ABCA5: variants seen among roughly 807,000 people sequenced by gnomAD.
The protein encoded by ABCA5 is cholesterol transporter ABCA5.
Under a neutral mutation model 206.0 loss-of-function variants are expected in ABCA5, and 163 were observed. That is an observed-to-expected ratio of 0.79 (90% CI 0.70 to 0.90). The LOEUF (loss-of-function observed/expected upper bound fraction) is 0.90. Ranked by LOEUF, ABCA5 falls within the 40% of genes least tolerant of loss-of-function variation. The pLI, the probability that ABCA5 is intolerant of heterozygous loss-of-function variation, is 0.00. For synonymous variants in ABCA5, 609 were observed against 613.8 expected (o/e 0.99, Z 0.11); for missense variants, 1,859 against 1,912.9 (o/e 0.97, Z 0.53).
Position 69,245,375 on chromosome 17 carries a change from A to G in ABCA5, c.*2162T>C, listed in dbSNP as rs2074938518. 1 of 151,902 alleles carries G rather than the reference A, an allele frequency of 6.6e-6. No homozygotes were observed. Among genetic ancestry groups the G allele is most frequent in the Non-Finnish European group, 1.5e-5 (1 of 67,838 alleles). The allele number at this position is 151,902 out of a possible 1,614,324, so 9.4% of individuals were successfully genotyped here. A position where few individuals can be genotyped will look rare whatever the true frequency, so the allele number is the denominator to read the frequency against. ...TATGTATATTTATTTATTTATCTGTACTGACATAGAAAAAAGTTTTGAGAT... is the reference window on the plus strand; with the variant it reads ...TATGTATATTTATTTATTTATCTGTGCTGACATAGAAAAAAGTTTTGAGAT... On this transcript the variant is annotated 3_prime_UTR_variant, in exon 39 of 39. Transcript: ENST00000392676.
Position 69,251,881 on chromosome 17 carries a change from T to C in ABCA5, c.4416-15A>G, listed in dbSNP as rs778216537. 3.1e-6 allele frequency: 5 copies of C among 1,604,614 alleles called. No individual in the cohort carries two copies. In the African/African-American group the frequency reaches 5.4e-5, roughly 17 times the overall value. On this transcript the variant is annotated splice_polypyrimidine_tract_variant and intron_variant, in intron 34 of 38. Coordinates refer to ENST00000392676, the MANE Select transcript of ABCA5 (RefSeq NM_172232.4). Reference sequence around the variant, plus strand: ...GAATTGCTCGCCTATAAAACATAAATAAAACAAAAAGAGAGGAACACATCT... The same window carrying C: ...GAATTGCTCGCCTATAAAACATAAACAAAACAAAAAGAGAGGAACACATCT...
intron 12 of ABCA5, among the ~76,000 whole-genome samples, chr17:69,290,585 C>T (rs891416731): frequency 6.6e-6 from 1 of 151,960 alleles, no homozygotes; most frequent in Admixed American, 6.5e-5. Flanking sequence ...AAGAGTGATA[C>T]AACTAAGGAC....
intron 1 of ABCA5, among the ~76,000 whole-genome samples, chr17:69,321,875 C>T (rs999092004): frequency 1.3e-5 from 2 of 152,040 alleles, no homozygotes; most frequent in African/African-American, 2.4e-5. Context: ...CCTAACATCT[C>T]TAAAGATTTA....
chr17:69,270,045 G>A (rs9902714), intron 22 of ABCA5, among the ~76,000 whole-genome samples: 1 of 152,192 alleles, frequency 6.6e-6, no homozygotes, highest in South Asian at 2.1e-4. Flanking sequence ...AGACACCGAA[G>A]TGTATACTTT....
At chr17:69,270,464 A>C in intron 22 of ABCA5, 149 bp downstream of exon 22, 2 of 667,532 alleles carry the variant, frequency 3.0e-6, no homozygotes, top group Non-Finnish European at 2.4e-6. Flanking sequence ...CTAAACCTTA[A>C]TGTAAACCGT....
At chr17:69,273,821 T>C in intron 20 of ABCA5, 138 bp downstream of exon 20, 1 of 780,698 alleles carries the variant, frequency 1.3e-6, no homozygotes, top group Non-Finnish European at 1.9e-6. Context: ...ATAAGATACG[T>C]ATTGAACTAT....
chr17:69,253,903 T>C (rs751926070), intron 32 of ABCA5, 34 bp from the exon 33 acceptor site: 3 of 1,529,250 alleles, frequency 2.0e-6, no homozygotes, highest in South Asian at 1.1e-5. Context: ...GAGAATACCA[T>C]GATATATATA....
Position 69,289,267 on chromosome 17 carries a change from C to T in ABCA5, c.1812G>A (p.Met604Ile), listed in dbSNP as rs988079817. 6 of 1,601,918 alleles carry T rather than the reference C, an allele frequency of 3.7e-6. No homozygotes were observed. Among genetic ancestry groups the T allele is most frequent in the Non-Finnish European group, 5.1e-6 (6 of 1,175,124 alleles). Reference sequence around the variant, plus strand: ...TAGCTTGGTTATCTTTGATAGTCTGCATGTCTAAATCTAGTAAAACCTTCT... The same window carrying T: ...TAGCTTGGTTATCTTTGATAGTCTGTATGTCTAAATCTAGTAAAACCTTCT... ...EVQKVLLDLD[M>I]QTIKDNQAKK... The change falls in exon 14 of 39, where the codon ATG (methionine) becomes ATA (isoleucine). Residue 604 changes from methionine (M) to isoleucine (I), a missense_variant. Coordinates refer to ENST00000392676, the MANE Select transcript of ABCA5 (RefSeq NM_172232.4).
At chr17:69,247,842 T>A (rs147521588) in intron 38 of ABCA5, among the ~76,000 whole-genome samples, 198 bp from the exon 39 acceptor site, 4,260 of 152,156 alleles carry the variant, frequency 0.028, 88 homozygotes, top group Non-Finnish European at 0.043. Flanking sequence ...GATTAATAGA[T>A]ATGTTTTTTA....
intron 1 of ABCA5, among the ~76,000 whole-genome samples, chr17:69,322,323 CTG>C (rs2145056636): frequency 8.0e-6 from 1 of 125,482 alleles, no homozygotes; most frequent in African/African-American, 3.1e-5. Context: ...TCAGCTGACA[CTG>C]TGCCAATCCA....
chr17:69,297,798 T>C (rs1188278150), intron 9 of ABCA5, among the ~76,000 whole-genome samples: 2 of 152,048 alleles, frequency 1.3e-5, no homozygotes, highest in South Asian at 2.1e-4. Context: ...TGAAAATAGG[T>C]AGTAACTAGA....
chr17:69,276,469 C>G (rs1360429991), intron 19 of ABCA5, among the ~76,000 whole-genome samples: 1 of 152,154 alleles, frequency 6.6e-6, no homozygotes, highest in South Asian at 2.1e-4. Flanking sequence ...GAATACTATG[C>G]AGCCATAAAA....
intron 1 of ABCA5, chr17:69,325,871 T>C (rs765048075): frequency 6.6e-6 from 1 of 151,748 alleles, no homozygotes; most frequent in African/African-American, 2.4e-5. Context: ...AAATTTGCTC[T>C]TATAGTGAAT....
chr17:69,302,617 A>C, intron 8 of ABCA5, 101 bp downstream of exon 8: 1 of 756,136 alleles, frequency 1.3e-6, no homozygotes. Flanking sequence ...ATTTTAAAAT[A>C]ATTTTTTTGG....
chr17:69,267,560 G>A (rs1467072737), intron 23 of ABCA5, among the ~76,000 whole-genome samples: 1 of 152,054 alleles, frequency 6.6e-6, no homozygotes, highest in African/African-American at 2.4e-5. Flanking sequence ...GGATAAAAGG[G>A]ACGGGCATGT....
At chr17:69,249,851 G>A (rs1415338638) in intron 37 of ABCA5, 54 bp downstream of exon 37, 9 of 1,514,730 alleles carry the variant, frequency 5.9e-6, no homozygotes. Context: ...TTGTGAAAGG[G>A]ACTGAACATC....
rs2144952349 is a variant in ABCA5 at position 69,277,679 on chromosome 17, G to A, written c.2556C>T (p.Phe852=). 1 of 1,611,546 alleles carries A rather than the reference G, an allele frequency of 6.2e-7. No homozygotes were observed. Among genetic ancestry groups the A allele is most frequent in the Non-Finnish European group, 8.5e-7 (1 of 1,179,226 alleles). Residue 852 remains phenylalanine (F), a synonymous_variant, in exon 19 of 39, where the codon TTC becomes TTT. Transcript: ENST00000392676. ...QQMYTIAKFH[F]FTLKRESKSV... is the part of the protein sequence containing the mutation. ...ATTTACTTTCACGTTTCAAGGTAAA[G>A]AAATGAAACTTTGCTATTGTATACA...
intron 1 of ABCA5, among the ~76,000 whole-genome samples, chr17:69,322,738 T>A (rs148235962): frequency 1.6e-3 from 250 of 152,168 alleles, no homozygotes; most frequent in African/African-American, 5.8e-3. Flanking sequence ...ACTAAATACC[T>A]GTGGAATAAA....
chr17:69,270,964 A>T (rs908460824), intron 21 of ABCA5, among the ~76,000 whole-genome samples, 198 bp downstream of exon 21: 3 of 151,872 alleles, frequency 2.0e-5, no homozygotes, highest in African/African-American at 7.2e-5. Context: ...TTTTTAAAAA[A>T]CTAAATTTCT....
Sources: gnomAD v4.1 joint callset for allele counts (sites outside exome capture counted in the v4.1 genomes callset) on GRCh38, gnomAD v4.1.1 for gene constraint, MANE v1.5 for transcripts, NCBI Gene and HGNC (gene_info 2026-07-23, HGNC 2026-07-21) for gene names.